The following FAT3 variants were observed in gnomAD, a reference collection of about 807,000 sequenced individuals.
The protein encoded by FAT3 is protocadherin Fat 3.
FAT3 carries 95 observed loss-of-function variants against 310.2 expected under a neutral mutation model. The ratio of observed to expected loss-of-function variants is 0.31; its 90% confidence interval spans 0.26 to 0.36. FAT3 has a LOEUF of 0.36. Among genes scored for constraint, FAT3 ranks in the 10% least tolerant of loss-of-function variants. The pLI is 1.00. For missense variants in FAT3, 5,408 were observed against 5,715.6 expected (o/e 0.95, Z 1.74); for synonymous variants, 2,314 against 2,192.9 (o/e 1.06, Z -1.54).
chr11:92,251,379 A>G (rs1444119762), intron 1 of FAT3, among the ~76,000 whole-genome samples: 1 of 152,128 alleles, frequency 6.6e-6, no homozygotes, highest in African/African-American at 2.4e-5. Context: ...AGTGCATCCA[A>G]TTATTTGTCT....
chr11:92,525,367 C>T (rs1565383983), intron 3 of FAT3, among the ~76,000 whole-genome samples: 1 of 152,124 alleles, frequency 6.6e-6, no homozygotes, highest in Non-Finnish European at 1.5e-5. Context: ...CCTCAAACTC[C>T]AGATGTTTTT....
intron 2 of FAT3, among the ~76,000 whole-genome samples, chr11:92,409,384 G>T (rs185192833): frequency 3.2e-4 from 49 of 152,094 alleles, no homozygotes; most frequent in African/African-American, 1.2e-3. Flanking sequence ...ATCCTGTGTC[G>T]TTCCAGCTGC....
intron 2 of FAT3, among the ~76,000 whole-genome samples, chr11:92,415,849 C>CTTTTTTTTGT (rs1950397145): frequency 1.4e-5 from 1 of 70,440 alleles, no homozygotes; most frequent in African/African-American, 5.3e-5. Context: ...AGCATTTTTG[C>CTTTTTTTTGT]TTTTTTTTTT....
rs188869319 is a variant in FAT3 at position 92,276,755 on chromosome 11, A to G, written c.-18+51581A>G. Among the ~76,000 whole-genome samples the G allele has an allele frequency of 6.6e-5, 10 of 152,310 alleles. No homozygotes were observed. In the East Asian group the frequency reaches 1.7e-3, roughly 26 times the overall value. ...TAGATCACAGCTGAGTTGGGAATCC[A>G]GGAGCATGAGAATAGAATGCTTATT... On this transcript the variant is annotated intron_variant, in intron 1 of 27. Coordinates refer to ENST00000525166, the MANE Select transcript of FAT3 (RefSeq NM_001367949.2).
At chr11:92,834,817 C>T (rs1948356767) in intron 14 of FAT3, 53 bp from the exon 15 acceptor site, 1 of 1,406,652 alleles carries the variant, frequency 7.1e-7, no homozygotes, top group Non-Finnish European at 9.7e-7. Context: ...TATAGAATTG[C>T]TGACCAGTGT....
chr11:92,660,487 G>A (rs1261960070), intron 3 of FAT3, among the ~76,000 whole-genome samples: 6 of 152,146 alleles, frequency 3.9e-5, no homozygotes, highest in Non-Finnish European at 8.8e-5. Flanking sequence ...TAGAGCAGAG[G>A]TGTGTCTGCT....
At chr11:92,882,585 T>TTC (rs757060368) in intron 23 of FAT3, among the ~76,000 whole-genome samples, 153 bp from the exon 24 acceptor site, 1 of 93,244 alleles carries the variant, frequency 1.1e-5, no homozygotes, top group African/African-American at 4.3e-5. Context: ...TAACTCCCCC[T>TTC]CCCCCCCCCC....
At chr11:92,411,067 A>G (rs1950249433) in intron 2 of FAT3, among the ~76,000 whole-genome samples, 1 of 143,942 alleles carries the variant, frequency 6.9e-6, no homozygotes, top group South Asian at 2.1e-4. Context: ...ATAAATATAT[A>G]TAAATATATG....
chr11:92,472,920 G>T (rs1281640667), intron 2 of FAT3, among the ~76,000 whole-genome samples: 1 of 152,164 alleles, frequency 6.6e-6, no homozygotes, highest in Non-Finnish European at 1.5e-5. Context: ...CCAGTTTTTG[G>T]TTCTAAGAAG....
chr11:92,797,831 T>A lies in FAT3; in HGVS notation c.4823-5T>A. On this transcript the variant is annotated splice_region_variant and splice_polypyrimidine_tract_variant and intron_variant, in intron 9 of 27. Coordinates refer to ENST00000525166, the MANE Select transcript of FAT3 (RefSeq NM_001367949.2). ...CTCATTTCACCATTGATTTCTGTAT[T>A]TTAGGGAACACTGGGAACATGTTTA... 6.2e-7 allele frequency: 1 copy of A among 1,603,610 alleles called. No homozygotes were observed. The highest frequency in any genetic ancestry group is 1.1e-5 in the South Asian group (1 of 90,242).
intron 2 of FAT3, chr11:92,498,049 G>C (rs144256830): frequency 2.3e-4 from 35 of 152,302 alleles, no homozygotes; most frequent in African/African-American, 7.9e-4. Flanking sequence ...TCAAAGAACT[G>C]ACCATCTAAC....
chr11:92,690,023 T>A (rs934580673), intron 3 of FAT3, among the ~76,000 whole-genome samples: 13 of 152,204 alleles, frequency 8.5e-5, no homozygotes, highest in African/African-American at 3.1e-4. Flanking sequence ...CAACTAGGCC[T>A]GAAGGGAAGT....
intron 21 of FAT3, among the ~76,000 whole-genome samples, chr11:92,861,755 A>G (rs1258913813): frequency 2.0e-5 from 3 of 152,244 alleles, no homozygotes; most frequent in Non-Finnish European, 2.9e-5. Context: ...TTTCAGCCTC[A>G]TGCAAGATTT....
Position 92,844,440 on chromosome 11 carries a change from G to T in FAT3, c.11073G>T (p.Gln3691His). Residue 3691 changes from glutamine (Q) to histidine (H), a missense_variant, in exon 19 of 28, where the codon CAG becomes CAT. By Grantham distance (24) the Gln-to-His change is conservative. This residue lies in a region of FAT3 where 4,588 missense variants were observed against 4,809.8 expected (regional missense o/e 0.95). Transcript: ENST00000525166. ...ACAGCCTGCGCATCATCAGCATCCA[G>T]CCCGTGGCAGGCACCAACCAACTGG... ...KQDSLRIISI[Q>H]PVAGTNQLDM... 1.2e-6 allele frequency: 2 copies of T among 1,613,982 alleles called. No individual in the cohort carries two copies. The highest frequency in any genetic ancestry group is 1.7e-6 in the Non-Finnish European group (2 of 1,179,888).
At chr11:92,772,106 A>G (rs143483087) in intron 6 of FAT3, among the ~76,000 whole-genome samples, 3 of 152,184 alleles carry the variant, frequency 2.0e-5, no homozygotes, top group African/African-American at 4.8e-5. Flanking sequence ...AAAATGATCA[A>G]CATTAGAGGA....
chr11:92,832,735 A>G (rs1948299701), intron 14 of FAT3, among the ~76,000 whole-genome samples: 1 of 152,122 alleles, frequency 6.6e-6, no homozygotes, highest in Non-Finnish European at 1.5e-5. Context: ...ATATGTGCAC[A>G]TGTTGGAAAA....
chr11:92,456,723 G>A (rs1447639476), intron 2 of FAT3, among the ~76,000 whole-genome samples: 8 of 152,050 alleles, frequency 5.3e-5, no homozygotes, highest in Admixed American at 5.2e-4. Flanking sequence ...TAAATTATGA[G>A]TATTTGTATC....
intron 3 of FAT3, among the ~76,000 whole-genome samples, chr11:92,652,928 C>T (rs762141961): frequency 6.6e-6 from 1 of 152,072 alleles, no homozygotes; most frequent in African/African-American, 2.4e-5. Context: ...TTTGGGAAGC[C>T]GAGGCGGGTA....
chr11:92,308,530 T>G (rs1019559517), intron 1 of FAT3, among the ~76,000 whole-genome samples: 2 of 152,158 alleles, frequency 1.3e-5, no homozygotes, highest in African/African-American at 4.8e-5. Context: ...TTGTGCAAAC[T>G]AAGTCCTGTT....
Sources: gnomAD v4.1 joint callset for allele counts (sites outside exome capture counted in the v4.1 genomes callset) on GRCh38, gnomAD v4.1.1 for gene constraint, gnomAD v4.1.1 regional missense constraint, MANE v1.5 for transcripts, NCBI Gene and HGNC (gene_info 2026-07-23, HGNC 2026-07-21) for gene names.